PDZRN3: variants seen among roughly 807,000 people sequenced by gnomAD.
The protein encoded by PDZRN3 is PDZ domain containing ring finger 3, also known as E3 ubiquitin-protein ligase PDZRN3.
PDZRN3 carries 38 observed loss-of-function variants against 85.7 expected under a neutral mutation model. That is an observed-to-expected ratio of 0.44 (90% confidence interval 0.34 to 0.58). PDZRN3 has a LOEUF of 0.58. Ranked by LOEUF, PDZRN3 falls within the 20% of genes least tolerant of loss-of-function variation. PDZRN3 has a pLI of 0.01. For synonymous variants in PDZRN3, 759 were observed against 638.0 expected, an observed-to-expected ratio of 1.19 and a Z score of -2.86; for missense variants, 1,629 against 1,506.4, an observed-to-expected ratio of 1.08 and a Z score of -1.35.
At chr3:73,585,214 A>G (rs889312629) in intron 3 of PDZRN3, among the ~76,000 whole-genome samples, 5 of 152,184 alleles carry the variant, frequency 3.3e-5, no homozygotes, top group Admixed American at 3.3e-4. Context: ...GTTTCTTAGC[A>G]AATGATATTA....
chr3:73,610,100 T>C (rs553250948), intron 1 of PDZRN3, among the ~76,000 whole-genome samples: 1 of 152,342 alleles, frequency 6.6e-6, no homozygotes, highest in African/African-American at 2.4e-5. Flanking sequence ...CAGAACTTTC[T>C]TGTGAGCCTC....
At chr3:73,484,124 G>T (rs564759285) in intron 3 of PDZRN3, among the ~76,000 whole-genome samples, 4 of 152,124 alleles carry the variant, frequency 2.6e-5, no homozygotes, top group Non-Finnish European at 4.4e-5. Context: ...ATAATTTAAA[G>T]TTAGAACTGG....
chr3:73,468,178 T>C (rs1437750320), intron 3 of PDZRN3, among the ~76,000 whole-genome samples: 1 of 152,004 alleles, frequency 6.6e-6, no homozygotes, highest in African/African-American at 2.4e-5. Context: ...GAAGCTGTGC[T>C]ATGGAAGCAT....
chr3:73,411,006 A>C (rs1448096154), intron 3 of PDZRN3, among the ~76,000 whole-genome samples: 1 of 152,252 alleles, frequency 6.6e-6, no homozygotes, highest in East Asian at 1.9e-4. Context: ...TCTACAGCCA[A>C]ATCTCCCTAT....
At chr3:73,618,858 CT>C (rs113463323) in intron 1 of PDZRN3, among the ~76,000 whole-genome samples, 1 of 152,058 alleles carries the variant, frequency 6.6e-6, no homozygotes, top group African/African-American at 2.4e-5. Context: ...CAATCTGTAA[CT>C]TTTTTTTAGC....
intron 3 of PDZRN3, chr3:73,433,736 C>T (rs563320623): frequency 1.5e-4 from 227 of 1,535,792 alleles, no homozygotes; most frequent in Admixed American, 2.2e-4. Context: ...GGAAGGCTTC[C>T]GTTCTCGCCA....
At chr3:73,579,791 G>C (rs1478020717) in intron 3 of PDZRN3, among the ~76,000 whole-genome samples, 3 of 152,090 alleles carry the variant, frequency 2.0e-5, no homozygotes, top group Admixed American at 6.6e-5. Context: ...GTTGAGGTTT[G>C]CTCCATGGGA....
chr3:73,401,361 T>A (rs1334282504), intron 4 of PDZRN3, among the ~76,000 whole-genome samples: 1 of 152,144 alleles, frequency 6.6e-6, no homozygotes, highest in East Asian at 1.9e-4. Flanking sequence ...TGCTTATTGC[T>A]TCATTGTTAG....
chr3:73,591,962 G>A (rs1011767904), intron 3 of PDZRN3, among the ~76,000 whole-genome samples: 1 of 152,050 alleles, frequency 6.6e-6, no homozygotes, highest in African/African-American at 2.4e-5. Context: ...ATATTAGGCA[G>A]AACTCAGTGC....
intron 5 of PDZRN3, among the ~76,000 whole-genome samples, chr3:73,398,989 G>C (rs185514543): frequency 6.6e-6 from 1 of 152,186 alleles, no homozygotes; most frequent in Non-Finnish European, 1.5e-5. Context: ...CTGTAAGGCA[G>C]AATGGCCCAA....
At chr3:73,514,205 G>A (rs990818290) in intron 3 of PDZRN3, among the ~76,000 whole-genome samples, 68 of 152,276 alleles carry the variant, frequency 4.5e-4, no homozygotes, top group African/African-American at 1.6e-3. Flanking sequence ...GGGTCTCTAA[G>A]GTAGGAGGTC....
chr3:73,449,342 C>T (rs1039088634), intron 3 of PDZRN3, among the ~76,000 whole-genome samples: 21 of 150,994 alleles, frequency 1.4e-4, no homozygotes, highest in Non-Finnish European at 2.4e-4. Flanking sequence ...TAAGTCCCAA[C>T]GGCTGTAGTT....
At chr3:73,563,695 A>G (rs1242216099) in intron 3 of PDZRN3, among the ~76,000 whole-genome samples, 1 of 152,204 alleles carries the variant, frequency 6.6e-6, no homozygotes, top group Non-Finnish European at 1.5e-5. Flanking sequence ...ATATGGCCAT[A>G]AATGCCAAAA....
chr3:73,499,200 G>A (rs1703927480), intron 3 of PDZRN3, among the ~76,000 whole-genome samples: 1 of 152,172 alleles, frequency 6.6e-6, no homozygotes, highest in South Asian at 2.1e-4. Flanking sequence ...CAAATGCCAG[G>A]TGCCAGGCAT....
chr3:73,449,466 C>A (rs1426617513), intron 3 of PDZRN3, among the ~76,000 whole-genome samples: 2 of 152,098 alleles, frequency 1.3e-5, no homozygotes, highest in African/African-American at 4.8e-5. Context: ...ACACTGAGTT[C>A]CATAATCCAC....
At chr3:73,433,883 ACGCTTCCCTTCCT>A in intron 3 of PDZRN3, 2 of 1,431,770 alleles carry the variant, frequency 1.4e-6, no homozygotes, top group East Asian at 5.0e-5. Context: ...CCCCCCTTCC[ACGCTTCCCTTCCT>A]CCCCTCGCAG....
chr3:73,568,907 C>G (rs1323380088), intron 3 of PDZRN3, among the ~76,000 whole-genome samples: 1 of 152,188 alleles, frequency 6.6e-6, no homozygotes. Flanking sequence ...GGAAGCCAGA[C>G]CTACAGTCTT....
In PDZRN3 at chr3:73,602,885, G is replaced by T. The variant is rs529904520; in HGVS notation, c.811-424C>A. Among the ~76,000 whole-genome samples, 6 of 152,260 alleles carry T rather than the reference G, an allele frequency of 3.9e-5. No homozygotes were observed. In the South Asian group the frequency reaches 1.2e-3, roughly 32 times the overall value. On this transcript the variant is annotated intron_variant, in intron 2 of 9. Transcript: ENST00000263666. The stretch of plus-strand genomic sequence containing the variant: ...TGAAGATCTTCTGCTACCAATTCGT[G>T]TCTGCCTTACTTCTTAAAGTGACTG...
intron 3 of PDZRN3, among the ~76,000 whole-genome samples, chr3:73,417,900 A>G (rs1702124610): frequency 6.6e-6 from 1 of 152,238 alleles, no homozygotes; most frequent in East Asian, 1.9e-4. Flanking sequence ...TGGCTTTGCA[A>G]GAAGAACCAA....
Sources: allele counts gnomAD v4.1 joint callset (sites outside exome capture counted in the v4.1 genomes callset), GRCh38; gene constraint gnomAD v4.1.1; transcripts MANE v1.5; gene names NCBI Gene and HGNC (gene_info 2026-07-23, HGNC 2026-07-21).